The following RIF1 variants were observed in gnomAD, a reference collection of about 807,000 sequenced individuals.
The protein encoded by RIF1 is telomere-associated protein RIF1.
Under a neutral mutation model 247.1 loss-of-function variants are expected in RIF1, and 45 were observed. The ratio of observed to expected loss-of-function variants is 0.18; its 90% CI spans 0.14 to 0.23. The LOEUF (loss-of-function observed/expected upper bound fraction) is 0.23. Among genes scored for constraint, RIF1 ranks in the 10% least tolerant of loss-of-function variants. The pLI, the probability that RIF1 is intolerant of heterozygous loss-of-function variation, is 1.00. For synonymous variants in RIF1, 1,087 were observed against 978.8 expected (o/e 1.11, Z -2.06); for missense variants, 2,967 against 2,862.5 (o/e 1.04, Z -0.83).
rs760902617 is a variant in RIF1, at chr2:151,451,614, G to T, written c.2253G>T (p.Leu751Phe). 7.1e-7 allele frequency: 1 copy of T among 1,414,810 alleles called. No homozygotes were observed. Among genetic ancestry groups the T allele is most frequent in the South Asian group, 1.2e-5 (1 of 86,882 alleles). The allele number at this position is 1,414,810 out of a possible 1,614,324, so 87.6% of individuals were successfully genotyped here. A position where few individuals can be genotyped will look rare whatever the true frequency, so the allele number is the denominator to read the frequency against. ...SLEDEGFSNL[L>F]FVDRIIYIIT... ...GGTACTTTCTTCCCTAGAATTTGTT[G>T]TTCGTGGATAGAATTATTTATATTA... The change falls in exon 21 of 36, where the codon TTG (leucine) becomes TTT (phenylalanine). Residue 751 changes from leucine to phenylalanine, a missense_variant. Transcript: ENST00000444746.
chr2:151,462,950 C>A lies in RIF1; in HGVS notation c.3430C>A (p.His1144Asn). 1 of 1,613,948 alleles carries A rather than the reference C, an allele frequency of 6.2e-7. No individual in the cohort carries two copies. Residue 1144 changes from histidine to asparagine, a missense_variant, in exon 30 of 36, where the codon CAT becomes AAT. Around this residue, in one of 7 missense-constraint regions of RIF1, gnomAD observed 2,028 missense variants for 1,825.6 expected, o/e 1.11. Coordinates refer to ENST00000444746, the MANE Select transcript of RIF1 (RefSeq NM_018151.5). Reference protein sequence around the residue: ...DVTEDCGMAEHLEKSSLSNNE... With the variant: ...DVTEDCGMAENLEKSSLSNNE... Reference sequence around the variant, plus strand: ...CACGGAAGACTGTGGTATGGCTGAACATCTTGAAAAGTCCTCCCTTTCGAA... The same window carrying A: ...CACGGAAGACTGTGGTATGGCTGAAAATCTTGAAAAGTCCTCCCTTTCGAA...
chr2:151,444,496 G>A (rs946652069), intron 18 of RIF1, among the ~76,000 whole-genome samples: 2 of 152,188 alleles, frequency 1.3e-5, no homozygotes, highest in Non-Finnish European at 2.9e-5. Flanking sequence ...TTTTAGTCAA[G>A]ATGGGGTTTC....
chr2:151,506,227 G>C, exon 13 of RIF1: 1 of 1,613,496 alleles, frequency 6.2e-7, no homozygotes, highest in Non-Finnish European at 8.5e-7. Flanking sequence ...TCCGATAGCC[G>C]TTCCTGGTGA....
downstream of RIF1, among the ~76,000 whole-genome samples, chr2:151,510,343 C>T (rs143300394): frequency 3.9e-5 from 6 of 152,280 alleles, no homozygotes; most frequent in African/African-American, 7.2e-5. Context: ...AAGGCCTAGC[C>T]GAAACTTTTG....
chr2:151,457,205 C>G (rs568545142), intron 23 of RIF1, among the ~76,000 whole-genome samples: 1 of 152,238 alleles, frequency 6.6e-6, no homozygotes, highest in East Asian at 1.9e-4. Context: ...TACCACACCC[C>G]TGCCCTCCTG....
At chr2:151,482,301 AC>A (rs1454773559), downstream of RIF1, 1 of 152,218 alleles carries the variant, frequency 6.6e-6, no homozygotes, top group African/African-American at 2.4e-5. Context: ...ACAAACATGA[AC>A]CCTTCCTTTT....
chr2:151,454,394 C>G (rs1259693676), intron 21 of RIF1, among the ~76,000 whole-genome samples: 1 of 152,118 alleles, frequency 6.6e-6, no homozygotes, highest in Non-Finnish European at 1.5e-5. Context: ...TTACTGCATT[C>G]TTTCTCAGCT....
chr2:151,451,350 G>A lies in RIF1; in HGVS notation c.2245-256G>A, dbSNP rs527251817. On this transcript the variant is annotated intron_variant, in intron 20 of 35. Coordinates refer to ENST00000444746, the MANE Select transcript of RIF1 (RefSeq NM_018151.5). ...AGCTTAGGAACAACAGACTATATAG[G>A]TGTGTAGTAGGCTGTATCATCTAGG... 4.6e-5 allele frequency among the ~76,000 whole-genome samples: 7 copies of A among 152,298 alleles called. No individual in the cohort carries two copies. The East Asian group carries it at 1.4e-3, about 29-fold the overall frequency.
At chr2:151,496,460 A>C in intron 10 of RIF1, 1 of 1,481,060 alleles carries the variant, frequency 6.8e-7, no homozygotes. Context: ...CCTTGTTAAG[A>C]AAACACAGTC....
chr2:151,475,272 A>G lies in RIF1; in HGVS notation c.*201A>G, dbSNP rs1315218418. The G allele has an allele frequency of 1.5e-5, 8 of 543,492 alleles. No individual in the cohort carries two copies. Among genetic ancestry groups the G allele is most frequent in the Non-Finnish European group, 2.6e-5 (8 of 309,522 alleles). 33.7% of individuals were successfully genotyped at this position (543,492 alleles called of 1,614,324 possible). On this transcript the variant is annotated 3_prime_UTR_variant, in exon 36 of 36. Coordinates refer to ENST00000444746, the MANE Select transcript of RIF1 (RefSeq NM_018151.5). ...GTAAGATCCTTTTTTTTTTCATAAT[A>G]TGTATTCTTGGCTGCTATGCGTGGT...
At chr2:151,446,982 C>T (rs565215545) in intron 20 of RIF1, among the ~76,000 whole-genome samples, 185 of 140,600 alleles carry the variant, frequency 1.3e-3, no homozygotes, top group Middle Eastern at 8.0e-3. Context: ...CTCGCTCTGT[C>T]GCCCAGGCTG....
chr2:151,502,456 A>C (rs2065445029), intron 11 of RIF1, among the ~76,000 whole-genome samples: 1 of 152,170 alleles, frequency 6.6e-6, no homozygotes, highest in Admixed American at 6.5e-5. Context: ...ATACAAATAA[A>C]ATTCTAATTA....
chr2:151,520,865 CA>C, the RIF1 span, among the ~76,000 whole-genome samples: 1 of 151,846 alleles, frequency 6.6e-6, no homozygotes, highest in African/African-American at 2.4e-5. Flanking sequence ...CCCTGTCTCA[CA>C]AAATAAATAA....
intron 15 of RIF1, 60 bp from the exon 16 acceptor site, chr2:151,441,844 AG>A: frequency 1.4e-6 from 1 of 740,126 alleles, no homozygotes. Context: ...GTTAACACTC[AG>A]ATTTTTATTA....
chr2:151,413,515 G>A (rs1000552665), intron 3 of RIF1, among the ~76,000 whole-genome samples: 2 of 152,206 alleles, frequency 1.3e-5, no homozygotes, highest in African/African-American at 4.8e-5. Context: ...TCAGAGTTCA[G>A]CTAGGATTGT....
chr2:151,461,764 T>G (rs919254947), intron 27 of RIF1, among the ~76,000 whole-genome samples: 1 of 152,202 alleles, frequency 6.6e-6, no homozygotes, highest in Non-Finnish European at 1.5e-5. Context: ...AGCTACCTAG[T>G]AATGTACCAA....
At chr2:151,420,133 T>C (rs1209323582) in intron 6 of RIF1, 57 bp from the exon 7 acceptor site, 7 of 1,478,850 alleles carry the variant, frequency 4.7e-6, no homozygotes, top group Non-Finnish European at 6.5e-6. Flanking sequence ...ATTTTACTGC[T>C]TGTTTAGACT....
chr2:151,471,445 A>G (rs1263045537), intron 34 of RIF1, among the ~76,000 whole-genome samples: 3 of 152,226 alleles, frequency 2.0e-5, no homozygotes, highest in Non-Finnish European at 2.9e-5. Flanking sequence ...GTCCTTGCCC[A>G]TGCCTATGTC....
chr2:151,491,936 A>C (rs1419058297), intron 9 of RIF1: 2 of 977,508 alleles, frequency 2.0e-6, no homozygotes, highest in African/African-American at 3.3e-5. Flanking sequence ...AAGATAAGGT[A>C]GAAATCAGCT....
Sources: gnomAD v4.1 joint callset for allele counts (sites outside exome capture counted in the v4.1 genomes callset) on GRCh38, gnomAD v4.1.1 for gene constraint, gnomAD v4.1.1 regional missense constraint, MANE v1.5 for transcripts, NCBI Gene and HGNC (gene_info 2026-07-23, HGNC 2026-07-21) for gene names.